Variants in C1QTNF7 observed in about 807,000 individuals in gnomAD.
C1QTNF7 encodes the protein C1q and TNF related 7.
A neutral mutation model predicts 19.6 loss-of-function variants in C1QTNF7; 15 were observed. That is an observed-to-expected ratio of 0.76 (90% CI 0.51 to 1.18). The LOEUF (loss-of-function observed/expected upper bound fraction) is 1.18, where lower values mean the gene tolerates loss of function less well. Among genes scored for constraint, C1QTNF7 ranks in the 50% most tolerant of loss-of-function variants. C1QTNF7 has a pLI of 0.00. For missense variants in C1QTNF7, 324 were observed against 359.7 expected, an observed-to-expected ratio of 0.90 and a Z score of 0.80; for synonymous variants, 142 against 137.5, an observed-to-expected ratio of 1.03 and a Z score of -0.23.
intron 1 of C1QTNF7, among the ~76,000 whole-genome samples, chr4:15,389,299 G>T (rs1004509042): frequency 6.6e-6 from 1 of 152,198 alleles, no homozygotes; most frequent in Non-Finnish European, 1.5e-5. Flanking sequence ...TGGCCTAAAG[G>T]CAGGGCATGC....
At chr4:15,434,638 A>G (rs1712458745) in intron 1 of C1QTNF7, among the ~76,000 whole-genome samples, 1 of 152,184 alleles carries the variant, frequency 6.6e-6, no homozygotes, top group Non-Finnish European at 1.5e-5. Flanking sequence ...TTTAGCCTAA[A>G]AAATCAGGTA....
intron 1 of C1QTNF7, among the ~76,000 whole-genome samples, chr4:15,353,595 A>G (rs751907742): frequency 2.0e-5 from 3 of 152,160 alleles, no homozygotes; most frequent in East Asian, 1.9e-4. Context: ...TATAAAAGTC[A>G]TCAGAAGAAA....
chr4:15,359,027 G>C (rs1420659625), intron 1 of C1QTNF7, among the ~76,000 whole-genome samples: 2 of 152,174 alleles, frequency 1.3e-5, no homozygotes, highest in African/African-American at 4.8e-5. Context: ...AATTGGGCAT[G>C]CACCAGGGGC....
chr4:15,405,154 T>TC (rs1265753852), intron 1 of C1QTNF7, among the ~76,000 whole-genome samples: 10 of 152,342 alleles, frequency 6.6e-5, no homozygotes, highest in Admixed American at 1.3e-4. Context: ...GTTCAGCTGC[T>TC]CATTAAAGAC....
At chr4:15,395,128 G>A (rs1402529348) in intron 1 of C1QTNF7, among the ~76,000 whole-genome samples, 1 of 152,188 alleles carries the variant, frequency 6.6e-6, no homozygotes, top group Non-Finnish European at 1.5e-5. Context: ...CTGGGCCAGA[G>A]CCTTCACTGT....
At position 15,368,238 on chromosome 4, in the gene C1QTNF7, G is replaced by A. The variant is rs114981884; in HGVS notation, c.13+28031G>A. On this transcript the variant is annotated intron_variant, in intron 1 of 2. Coordinates refer to the C1QTNF7 transcript ENST00000295297. The stretch of plus-strand genomic sequence containing the variant: ...GTCACCCGTGTGGTTGGATGTATCA[G>A]TTGTCCACACCCCCGACTCTTTCAG... 3.4e-3 allele frequency among the ~76,000 whole-genome samples: 510 copies of A among 152,004 alleles called. 2 individuals are homozygous for A. The highest frequency in any genetic ancestry group is 5.6e-3 in the Non-Finnish European group (380 of 67,938).
intron 1 of C1QTNF7, among the ~76,000 whole-genome samples, chr4:15,340,673 A>G (rs1267493590): frequency 1.3e-5 from 2 of 152,208 alleles, no homozygotes; most frequent in East Asian, 1.9e-4. Flanking sequence ...TGCAGTTACT[A>G]TGGCTTCTTA....
At position 15,435,831 on chromosome 4, in the gene C1QTNF7, C is replaced by T. The variant is rs1306632979; in HGVS notation, c.88C>T (p.Pro30Ser). 2 of 1,614,136 alleles carry T rather than the reference C, an allele frequency of 1.2e-6. No individual in the cohort carries two copies. The highest frequency in any genetic ancestry group is 1.7e-6 in the Non-Finnish European group (2 of 1,180,028). ...GNQLKGENYSPRYICSIPGLP... is the reference protein window; with the variant it reads ...GNQLKGENYSSRYICSIPGLP... ...TCAGTTGAAAGGAGAGAACTACTCC[C>T]CCAGGTATATCTGCAGCATTCCTGG... The change falls in exon 2 of 3, where the codon CCC becomes TCC. Residue 30 changes from proline to serine, a missense_variant. Pro to Ser is a moderately conservative substitution (Grantham distance 74, BLOSUM62 -1). Coordinates refer to ENST00000444304, the MANE Select transcript of C1QTNF7 (RefSeq NM_031911.5).
At chr4:15,358,440 A>C (rs1301072665) in intron 1 of C1QTNF7, 1 of 152,160 alleles carries the variant, frequency 6.6e-6, no homozygotes, top group African/African-American at 2.4e-5. Flanking sequence ...ATCATGGTGG[A>C]TAAGCTTTTT....
chr4:15,435,289 T>C (rs1712482482), intron 1 of C1QTNF7, among the ~76,000 whole-genome samples: 1 of 152,172 alleles, frequency 6.6e-6, no homozygotes, highest in African/African-American at 2.4e-5. Flanking sequence ...ACTTTCTCCA[T>C]AGTATAGACA....
At chr4:15,341,706 C>G (rs533899027) in intron 1 of C1QTNF7, among the ~76,000 whole-genome samples, 1 of 152,338 alleles carries the variant, frequency 6.6e-6, no homozygotes, top group African/African-American at 2.4e-5. Flanking sequence ...GTCTCCTTCC[C>G]GGTCCTCTCG....
intron 1 of C1QTNF7, among the ~76,000 whole-genome samples, chr4:15,419,038 C>A (rs1465431644): frequency 1.3e-5 from 2 of 152,220 alleles, no homozygotes; most frequent in Admixed American, 1.3e-4. Flanking sequence ...ACTTCCAAAT[C>A]TGAGATTCTG....
rs201267114 is a variant in C1QTNF7, at chr4:15,435,907, A to C, written c.164A>C (p.His55Pro). The C allele has an allele frequency of 9.7e-5, 157 of 1,613,982 alleles. No individual in the cohort carries two copies. Among genetic ancestry groups the C allele is most frequent in the Non-Finnish European group, 1.3e-4 (153 of 1,179,994 alleles). Residue 55 changes from histidine (H) to proline (P), a missense_variant, in exon 2 of 3, where the codon CAT becomes CCT. His to Pro is a moderately conservative substitution (Grantham distance 77, BLOSUM62 -2). Transcript: ENST00000444304. ...PPGANGSPGPHGRIGLPGRDG... is the reference protein window; with the variant it reads ...PPGANGSPGPPGRIGLPGRDG... ...GGAGCAAATGGTTCCCCTGGGCCCC[A>C]TGGTCGCATCGGCCTTCCAGGAAGA...
upstream of C1QTNF7, among the ~76,000 whole-genome samples, chr4:15,424,833 G>A (rs1489750611): frequency 6.6e-6 from 1 of 152,150 alleles, no homozygotes. Flanking sequence ...ATGAGCATTG[G>A]TTGCCTATCA....
intron 1 of C1QTNF7, among the ~76,000 whole-genome samples, chr4:15,341,967 C>T (rs938583639): frequency 2.0e-5 from 3 of 152,206 alleles, no homozygotes; most frequent in African/African-American, 2.4e-5. Context: ...AAGTCAGGCC[C>T]GCCAGGCCCC....
intron 1 of C1QTNF7, among the ~76,000 whole-genome samples, chr4:15,384,320 A>T (rs1718254008): frequency 6.6e-6 from 1 of 152,216 alleles, no homozygotes; most frequent in Non-Finnish European, 1.5e-5. Context: ...AAATGATAGC[A>T]ATTGTTTATT....
chr4:15,430,362 A>G (rs546777071), intron 1 of C1QTNF7, among the ~76,000 whole-genome samples: 1 of 152,270 alleles, frequency 6.6e-6, no homozygotes, highest in African/African-American at 2.4e-5. Flanking sequence ...AGGTGGGCAG[A>G]TCGCTTGAGT....
intron 2 of C1QTNF7, among the ~76,000 whole-genome samples, chr4:15,441,157 A>AG (rs1433737628): frequency 6.6e-6 from 1 of 152,170 alleles, no homozygotes; most frequent in African/African-American, 2.4e-5. Context: ...AGAAAAAAAA[A>AG]GAATTTATGT....
chr4:15,420,802 T>C (rs943088915), intron 1 of C1QTNF7, among the ~76,000 whole-genome samples: 3 of 146,702 alleles, frequency 2.0e-5, no homozygotes, highest in Admixed American at 6.8e-5. Flanking sequence ...GTTTAGACTC[T>C]AGGGTAACAT....
Sources: allele counts gnomAD v4.1 joint callset (sites outside exome capture counted in the v4.1 genomes callset), GRCh38; gene constraint gnomAD v4.1.1; transcripts MANE v1.5; gene names NCBI Gene and HGNC (gene_info 2026-07-23, HGNC 2026-07-21).